BIRC6: variants seen among roughly 807,000 people sequenced by gnomAD.
The protein encoded by BIRC6 is dual E2 ubiquitin-conjugating enzyme/E3 ubiquitin-protein ligase BIRC6.
Under a neutral mutation model 503.3 loss-of-function variants are expected in BIRC6, and 98 were observed. The ratio of observed to expected loss-of-function variants is 0.19; its 90% CI spans 0.17 to 0.23. The LOEUF is 0.23. Ranked by LOEUF, BIRC6 falls within the 10% of genes least tolerant of loss-of-function variation. The pLI is 1.00. For missense variants in BIRC6, 5,360 were observed against 5,806.0 expected, an observed-to-expected ratio of 0.92 and a Z score of 2.50; for synonymous variants, 2,240 against 2,078.7, an observed-to-expected ratio of 1.08 and a Z score of -2.11.
Position 32,357,031 on chromosome 2 carries a change from C to G in BIRC6, c.-131C>G, listed in dbSNP as rs2033153293. ...CGCGCCCCGGGCCCCGCCTCCCTCC[C>G]TGCTTCTCCCCCTCTCCCGTCAGCC... On this transcript the variant is annotated 5_prime_UTR_variant, in exon 1 of 74. Coordinates refer to ENST00000421745, the MANE Select transcript of BIRC6 (RefSeq NM_016252.4). This position sits in a 1 kb window ranked among gnomAD's most constrained non-coding sequence, Gnocchi z 4.9. 1.2e-6 allele frequency: 1 copy of G among 835,796 alleles called. No homozygotes were observed. The highest frequency in any genetic ancestry group is 1.7e-6 in the Non-Finnish European group (1 of 582,356). The allele number at this position is 835,796 out of a possible 1,614,324, so 51.8% of individuals were successfully genotyped here.
At chr2:32,518,708 C>A in intron 56 of BIRC6, 109 bp from the exon 57 acceptor site, 1 of 1,274,236 alleles carries the variant, frequency 7.8e-7, no homozygotes, top group South Asian at 1.5e-5. Flanking sequence ...TTAATTATAT[C>A]TTGTAGGATT....
chr2:32,520,618 G>C (rs561533084), intron 57 of BIRC6, among the ~76,000 whole-genome samples: 1 of 152,164 alleles, frequency 6.6e-6, no homozygotes, highest in African/African-American at 2.4e-5. Flanking sequence ...AGGAGTTTCA[G>C]ACCAGCCCTG....
chr2:32,401,440 A>C (rs2040585833), intron 7 of BIRC6, 23 bp from the exon 8 acceptor site: 1 of 1,613,068 alleles, frequency 6.2e-7, no homozygotes, highest in South Asian at 1.1e-5. Flanking sequence ...TCAGTTGTAA[A>C]CTTAGGCTTT....
chr2:32,547,568 T>C (rs2058138012), intron 63 of BIRC6, among the ~76,000 whole-genome samples: 1 of 152,230 alleles, frequency 6.6e-6, no homozygotes, highest in African/African-American at 2.4e-5. Flanking sequence ...ATAAATATCC[T>C]GTTTGTTGAT....
Position 32,476,220 on chromosome 2 carries a change from A to G in BIRC6, c.6728A>G (p.Asn2243Ser), listed in dbSNP as rs920070426. The change falls in exon 34 of 74, where the codon AAC becomes AGC. Residue 2243 changes from asparagine to serine, a missense_variant. Asn to Ser is a conservative substitution (Grantham distance 46). Coordinates refer to ENST00000421745, the MANE Select transcript of BIRC6 (RefSeq NM_016252.4). ...TTTATTTGTTTTATAAAGCAACTTA[A>G]CCTACTAAAAGCAAAGCAGAAGGCA... ...KQLVHHKQQL[N>S]LLKAKQKALV... 1.3e-6 allele frequency: 2 copies of G among 1,540,990 alleles called. No individual in the cohort carries two copies. Among genetic ancestry groups the G allele is most frequent in the Non-Finnish European group, 1.7e-6 (2 of 1,144,170 alleles).
chr2:32,479,392 A>G, intron 36 of BIRC6, 70 bp from the exon 37 acceptor site: 3 of 1,423,716 alleles, frequency 2.1e-6, no homozygotes, highest in Non-Finnish European at 2.9e-6. Flanking sequence ...ACTGGAGGAA[A>G]AAAATGTGCT....
At position 32,603,018 on chromosome 2, in the gene BIRC6, A is replaced by G; in HGVS notation, c.14005A>G (p.Ile4669Val). The change falls in exon 71 of 74, where the codon ATC (isoleucine) becomes GTC (valine). Residue 4669 changes from isoleucine to valine, a missense_variant. Physicochemically the swap from Ile to Val is conservative, Grantham distance 29. This residue lies in a region of BIRC6 where 66 missense variants were observed against 113.2 expected (regional missense o/e 0.58). Coordinates refer to ENST00000421745, the MANE Select transcript of BIRC6 (RefSeq NM_016252.4). Reference sequence around the variant, plus strand: ...TTTCGTTCGTCAGGTTTGTTTAAGCATCTTAAACACGTGGCATGGAAGACC... The same window carrying G: ...TTTCGTTCGTCAGGTTTGTTTAAGCGTCTTAAACACGTGGCATGGAAGACC... ...LYNDGKVCLS[I>V]LNTWHGRPEE... 6.2e-7 allele frequency: 1 copy of G among 1,610,272 alleles called. No homozygotes were observed. The highest frequency in any genetic ancestry group is 1.1e-5 in the South Asian group (1 of 90,046).
rs878943967 is a variant in BIRC6, at chr2:32,515,827, G to A, written c.11349+57G>A. ...GTTTTATTACATAAGAAAGGGCCAT[G>A]TATAAAGGCCAGGTAATAATAAATT... On this transcript the variant is annotated intron_variant, in intron 55 of 73. Coordinates refer to ENST00000421745, the MANE Select transcript of BIRC6 (RefSeq NM_016252.4). 94 of 1,440,820 alleles carry A rather than the reference G, an allele frequency of 6.5e-5. No homozygotes were observed. In the South Asian group the frequency reaches 1.2e-3, roughly 18 times the overall value. The allele number at this position is 1,440,820 out of a possible 1,614,324, so 89.3% of individuals were successfully genotyped here.
At chr2:32,511,070 C>T (rs1312710205) in intron 53 of BIRC6, among the ~76,000 whole-genome samples, 5 of 151,962 alleles carry the variant, frequency 3.3e-5, no homozygotes, top group Non-Finnish European at 5.9e-5. Flanking sequence ...TATTGATTAT[C>T]GTATTCATCG....
At chr2:32,504,055 TG>T (rs1199606362) in intron 49 of BIRC6, among the ~76,000 whole-genome samples, 8 of 146,660 alleles carry the variant, frequency 5.5e-5, no homozygotes, top group Admixed American at 4.8e-4. Flanking sequence ...TGTGTGTGTG[TG>T]TGTGTGTGTG....
intron 71 of BIRC6, among the ~76,000 whole-genome samples, chr2:32,606,744 G>A (rs1024315404): frequency 1.3e-5 from 2 of 150,906 alleles, no homozygotes; most frequent in African/African-American, 2.4e-5. Flanking sequence ...AGTGGCTGAC[G>A]CCTGTAATCC....
chr2:32,501,264 A>C (rs1478829740), intron 46 of BIRC6, among the ~76,000 whole-genome samples: 1 of 152,218 alleles, frequency 6.6e-6, no homozygotes, highest in Non-Finnish European at 1.5e-5. Context: ...TAGATTAAAA[A>C]GAATAGTTAC....
At chr2:32,593,659 G>A (rs2061512832) in intron 66 of BIRC6, among the ~76,000 whole-genome samples, 1 of 152,150 alleles carries the variant, frequency 6.6e-6, no homozygotes, top group African/African-American at 2.4e-5. Context: ...TTTTAAAAGT[G>A]TGTCTCTGAG....
intron 20 of BIRC6, among the ~76,000 whole-genome samples, chr2:32,445,044 T>A (rs2045811164): frequency 6.6e-6 from 1 of 152,224 alleles, no homozygotes; most frequent in Non-Finnish European, 1.5e-5. Context: ...CCTAACGCAT[T>A]ATAGAATAAT....
chr2:32,617,713 T>C lies in BIRC6; in HGVS notation c.14395-12T>C. 1 of 1,610,902 alleles carries C rather than the reference T, an allele frequency of 6.2e-7. No individual in the cohort carries two copies. The highest frequency in any genetic ancestry group is 8.5e-7 in the Non-Finnish European group (1 of 1,178,036). ...TTTGCAGTTCTAACATTAGTCCTTT[T>C]CTCCTGCATAGCGTCACACTGCTCA... On this transcript the variant is annotated splice_polypyrimidine_tract_variant and intron_variant, in intron 73 of 73. Transcript: ENST00000421745.
At position 32,490,020 on chromosome 2, in the gene BIRC6, C is replaced by A. The variant is rs760620730; in HGVS notation, c.8096-21C>A. ...ACATTGTTTTTCTGAAAAATATTTT[C>A]CCTTTCTCTTTTCTGCATAGCATCA... is the stretch of plus-strand genomic sequence containing the variant. On this transcript the variant is annotated intron_variant, in intron 42 of 73. Transcript: ENST00000421745. 2.7e-6 allele frequency: 4 copies of A among 1,483,098 alleles called. No homozygotes were observed. In the South Asian group the frequency reaches 4.7e-5, roughly 17 times the overall value. The allele number at this position is 1,483,098 out of a possible 1,614,324, so 91.9% of individuals were successfully genotyped here. A position where few individuals can be genotyped will look rare whatever the true frequency, so the allele number is the denominator to read the frequency against.
At chr2:32,547,438 G>A (rs1364451612) in intron 63 of BIRC6, among the ~76,000 whole-genome samples, 2 of 152,078 alleles carry the variant, frequency 1.3e-5, no homozygotes, top group Non-Finnish European at 2.9e-5. Flanking sequence ...TTTGGATATT[G>A]CATATAAATT....
At chr2:32,373,193 A>G (rs952898773) in intron 1 of BIRC6, among the ~76,000 whole-genome samples, 5 of 152,216 alleles carry the variant, frequency 3.3e-5, no homozygotes, top group African/African-American at 9.7e-5. Flanking sequence ...AATTCCTATC[A>G]AAATCCCAGT....
intron 6 of BIRC6, among the ~76,000 whole-genome samples, chr2:32,397,604 G>GTGTA (rs1412130234): frequency 1.6e-4 from 18 of 112,034 alleles, no homozygotes; most frequent in Admixed American, 1.1e-3. Context: ...GTGTGTGTGT[G>GTGTA]TATATATGTG....
Sources: allele counts gnomAD v4.1 joint callset (sites outside exome capture counted in the v4.1 genomes callset), GRCh38; gene constraint gnomAD v4.1.1; regional missense constraint gnomAD v4.1.1; non-coding constraint Gnocchi (gnomAD v3.1); transcripts MANE v1.5; gene names NCBI Gene and HGNC (gene_info 2026-07-23, HGNC 2026-07-21).